BTNL9: variants seen among roughly 807,000 people sequenced by gnomAD.
The protein encoded by BTNL9 is butyrophilin like 9, also known as butyrophilin-like protein 9.
A neutral mutation model predicts 45.8 loss-of-function variants in BTNL9; 45 were observed. The ratio of observed to expected loss-of-function variants is 0.98; its 90% CI spans 0.77 to 1.26. BTNL9 has a LOEUF of 1.26. BTNL9 is among the 50% of genes most tolerant of loss of function. The pLI, the probability that BTNL9 is intolerant of heterozygous loss-of-function variation, is 0.00. For missense variants in BTNL9, 784 were observed against 729.7 expected, an observed-to-expected ratio of 1.07 and a Z score of -0.86; for synonymous variants, 346 against 330.8, an observed-to-expected ratio of 1.05 and a Z score of -0.50.
In BTNL9 at chr5:181,053,974, G is replaced by T. The variant is rs914840912; in HGVS notation, c.887-265G>T. ...CGTTTCCGCCGAGCTAATAGATTTG[G>T]GAGGCTCCGACCCTGATTTTCACAC... is the stretch of plus-strand genomic sequence containing the variant. On this transcript the variant is annotated intron_variant, in intron 6 of 10. Transcript: ENST00000327705. The surrounding 1 kb of genome is among the most constrained non-coding windows in gnomAD (Gnocchi z 6.5). 3.3e-6 allele frequency: 5 copies of T among 1,530,942 alleles called. No homozygotes were observed. The African/African-American group carries it at 5.5e-5, about 17-fold the overall frequency. The allele number at this position is 1,530,942 out of a possible 1,614,324, so 94.8% of individuals were successfully genotyped here.
intron 1 of BTNL9, 138 bp from the exon 2 acceptor site, chr5:181,045,329 C>T: frequency 3.4e-6 from 2 of 582,454 alleles, no homozygotes; most frequent in East Asian, 3.0e-5. Context: ...ATGGAAGAAG[C>T]CAAGCGCTGA....
At chr5:181,045,830 T>C (rs13177099) in intron 2 of BTNL9, among the ~76,000 whole-genome samples, 2,030 of 59,402 alleles carry the variant, frequency 0.034, 37 homozygotes, top group African/African-American at 0.057. Context: ...TCTCCAGCCC[T>C]CAACACCTCC....
At chr5:181,048,669 G>A (rs995234722) in intron 3 of BTNL9, among the ~76,000 whole-genome samples, 3 of 149,564 alleles carry the variant, frequency 2.0e-5, no homozygotes, top group African/African-American at 7.4e-5. Flanking sequence ...CAGTGAGCTT[G>A]ACTTGCCACT....
intron 9 of BTNL9, among the ~76,000 whole-genome samples, chr5:181,056,308 C>T (rs1359348060): frequency 6.6e-6 from 1 of 152,202 alleles, no homozygotes; most frequent in Non-Finnish European, 1.5e-5. Context: ...CATGTAAATA[C>T]TTCTCTGCAT....
Position 181,058,529 on chromosome 5 carries a change from C to T in BTNL9, c.982+151C>T, listed in dbSNP as rs1464528310. 5.2e-5 allele frequency: 53 copies of T among 1,010,096 alleles called. 1 individual carries two copies. The highest frequency in any genetic ancestry group is 1.5e-4 in the South Asian group (11 of 74,300). 62.6% of individuals were successfully genotyped at this position (1,010,096 alleles called of 1,614,324 possible). On this transcript the variant is annotated intron_variant, in intron 10 of 10. Coordinates refer to ENST00000327705, the MANE Select transcript of BTNL9 (RefSeq NM_152547.5). ...AGACACACACGCACACTTGCAAACACGCCACACGACACATATGCCTGCATG... is the reference window on the plus strand; with the variant it reads ...AGACACACACGCACACTTGCAAACATGCCACACGACACATATGCCTGCATG...
Position 181,055,143 on chromosome 5 carries a change from G to A in BTNL9, c.908-290G>A. On this transcript the variant is annotated intron_variant, in intron 7 of 10. Coordinates refer to ENST00000327705, the MANE Select transcript of BTNL9 (RefSeq NM_152547.5). The surrounding 1 kb of genome is among the most constrained non-coding windows in gnomAD (Gnocchi z 4.4). The stretch of plus-strand genomic sequence containing the variant: ...GGAAGCTTGTGATTTCAGGCAGAAG[G>A]AACAACCCCAACCCTGGGAAGAGGC... 1 of 1,207,120 alleles carries A rather than the reference G, an allele frequency of 8.3e-7. No individual in the cohort carries two copies. Among genetic ancestry groups the A allele is most frequent in the Non-Finnish European group, 1.0e-6 (1 of 969,204 alleles). The allele number at this position is 1,207,120 out of a possible 1,614,324, so 74.8% of individuals were successfully genotyped here.
At chr5:181,058,150 C>T (rs1406974771) in intron 9 of BTNL9, among the ~76,000 whole-genome samples, 1 of 152,204 alleles carries the variant, frequency 6.6e-6, no homozygotes, top group Non-Finnish European at 1.5e-5. Context: ...GTATCAATGA[C>T]ACAGGCCTCT....
rs139507991 is a variant in BTNL9 at position 181,054,823 on chromosome 5, A to G, written c.907+564A>G. The G allele has an allele frequency of 3.0e-6, 3 of 985,452 alleles. No homozygotes were observed. The African/African-American group carries it at 5.2e-5, about 17-fold the overall frequency. The allele number at this position is 985,452 out of a possible 1,614,324, so 61.0% of individuals were successfully genotyped here. On this transcript the variant is annotated intron_variant, in intron 7 of 10. Transcript: ENST00000327705. ...CAGTCTACCTCGCCCTTCAAGGGGA[A>G]TGAGAAAAACATAGCCCTAATAAGT...
intron 4 of BTNL9, among the ~76,000 whole-genome samples, chr5:181,052,008 G>T (rs578244579): frequency 9.2e-5 from 14 of 152,220 alleles, no homozygotes; most frequent in African/African-American, 3.4e-4. Context: ...GCAGAACAGC[G>T]AGGAGGCCAG....
chr5:181,055,754 G>C lies in BTNL9; in HGVS notation c.929-235G>C. ...ACTGCACTCCAGCCTGGGCGACAGA[G>C]CGAGACTCTGTCTCAAAAAAAAAAA... On this transcript the variant is annotated intron_variant, in intron 8 of 10. Transcript: ENST00000327705. The surrounding 1 kb of genome is among the most constrained non-coding windows in gnomAD (Gnocchi z 4.4). The C allele has an allele frequency of 1.4e-6, 1 of 708,936 alleles. No homozygotes were observed. The highest frequency in any genetic ancestry group is 2.6e-6 in the Non-Finnish European group (1 of 391,718). The allele number at this position is 708,936 out of a possible 1,614,324, so 43.9% of individuals were successfully genotyped here. A position where few individuals can be genotyped will look rare whatever the true frequency, so the allele number is the denominator to read the frequency against.
Position 181,047,120 on chromosome 5 carries a change from A to C in BTNL9, c.110-807A>C, listed in dbSNP as rs532840778. Reference sequence around the variant, plus strand: ...GCTGAACTTGGAAAGAAAGGAGAGGAGAAGTACAGAGGCCAGAGAGAAGAG... The same window carrying C: ...GCTGAACTTGGAAAGAAAGGAGAGGCGAAGTACAGAGGCCAGAGAGAAGAG... On this transcript the variant is annotated intron_variant, in intron 2 of 10. Coordinates refer to ENST00000327705, the MANE Select transcript of BTNL9 (RefSeq NM_152547.5). Among the ~76,000 whole-genome samples the C allele has an allele frequency of 2.6e-5, 4 of 152,230 alleles. No homozygotes were observed. In the East Asian group the frequency reaches 7.7e-4, roughly 29 times the overall value.
chr5:181,058,409 T>C (rs1433593714), intron 10 of BTNL9, 31 bp downstream of exon 10: 1 of 1,614,084 alleles, frequency 6.2e-7, no homozygotes, highest in Admixed American at 1.7e-5. Context: ...GATTTGTGTT[T>C]TGGTTTGGCC....
At chr5:181,047,877 T>C (rs778161531) in intron 2 of BTNL9, 50 bp from the exon 3 acceptor site, 2 of 1,519,928 alleles carry the variant, frequency 1.3e-6, no homozygotes, top group Non-Finnish European at 1.8e-6. Flanking sequence ...GATAACTTTT[T>C]TAAAAATTGG....
chr5:181,052,458 A>G (rs1271570809), intron 4 of BTNL9, among the ~76,000 whole-genome samples: 4 of 152,232 alleles, frequency 2.6e-5, no homozygotes, highest in African/African-American at 7.2e-5. Flanking sequence ...ACACTTAAAA[A>G]TGGTTAAGAT....
At chr5:181,043,233 TG>T (rs1760885340) in intron 1 of BTNL9, among the ~76,000 whole-genome samples, 1 of 35,362 alleles carries the variant, frequency 2.8e-5, no homozygotes, top group African/African-American at 1.5e-4. Flanking sequence ...TGTGTGTCTA[TG>T]TGTGTGTCTG....
intron 9 of BTNL9, among the ~76,000 whole-genome samples, chr5:181,057,745 G>A (rs1297070858): frequency 1.1e-4 from 16 of 152,222 alleles, no homozygotes; most frequent in Non-Finnish European, 2.9e-5. Flanking sequence ...ACAAGAGCTA[G>A]GGTGTTTAAA....
intron 2 of BTNL9, 131 bp downstream of exon 2, chr5:181,045,729 GGTT>G: frequency 1.4e-6 from 1 of 709,424 alleles, no homozygotes; most frequent in Non-Finnish European, 2.4e-6. Context: ...CTTCCATCCT[GGTT>G]GTTAAAGAGC....
At position 181,056,635 on chromosome 5, in the gene BTNL9, T is replaced by TA. The variant is rs555009687; in HGVS notation, c.955+621dup. The stretch of plus-strand genomic sequence containing the variant: ...ATGCATAGTCTCAAACGTGTTGCCT[T>TA]ACGGCGCTGTGTGGAGATTTCTCTG... On this transcript the variant is annotated intron_variant, in intron 9 of 10. Transcript: ENST00000327705. 123 of 717,334 alleles carry TA rather than the reference T, an allele frequency of 1.7e-4. 1 individual carries two copies. In the African/African-American group the frequency reaches 2.0e-3, roughly 11 times the overall value. 44.4% of individuals were successfully genotyped at this position (717,334 alleles called of 1,614,324 possible).
intron 4 of BTNL9, among the ~76,000 whole-genome samples, chr5:181,052,414 G>A (rs1350779786): frequency 1.3e-5 from 2 of 152,196 alleles, no homozygotes; most frequent in East Asian, 1.9e-4. Flanking sequence ...GGTTGCACAC[G>A]ACATGGTGAA....
Sources: gnomAD v4.1 joint callset for allele counts (sites outside exome capture counted in the v4.1 genomes callset) on GRCh38, gnomAD v4.1.1 for gene constraint, Gnocchi (gnomAD v3.1) non-coding constraint, MANE v1.5 for transcripts, NCBI Gene and HGNC (gene_info 2026-07-23, HGNC 2026-07-21) for gene names.